Variants in UBE2R2 observed in about 807,000 individuals in gnomAD.
UBE2R2 encodes the protein ubiquitin-conjugating enzyme E2 R2.
A neutral mutation model predicts 27.8 loss-of-function variants in UBE2R2; 1 was observed. The ratio of observed to expected loss-of-function variants is 0.04; its 90% CI spans 0.01 to 0.17. The LOEUF (loss-of-function observed/expected upper bound fraction) is 0.17, where lower values mean the gene tolerates loss of function less well. Among genes scored for constraint, UBE2R2 ranks in the 10% least tolerant of loss-of-function variants. UBE2R2 has a pLI of 1.00. For missense variants in UBE2R2, 100 were observed against 291.0 expected (o/e 0.34, Z 4.78); for synonymous variants, 106 against 113.3 (o/e 0.94, Z 0.41).
intron 1 of UBE2R2, among the ~76,000 whole-genome samples, chr9:33,824,773 A>C (rs1325357443): frequency 1.3e-5 from 2 of 150,512 alleles, no homozygotes; most frequent in Admixed American, 1.3e-4. Context: ...AGTGTACTCC[A>C]GCCTGGGCAA....
Position 33,817,618 on chromosome 9 carries a change from C to A in UBE2R2, c.-140C>A. ...GCCCACGGGCCGTGTGGGGCCTGGT[C>A]TGGCCCGCCGGGTGTGTGAAGACCG... On this transcript the variant is annotated 5_prime_UTR_variant, in exon 1 of 5. The change creates a new upstream start codon in the 5' untranslated region. Coordinates refer to ENST00000263228, the MANE Select transcript of UBE2R2 (RefSeq NM_017811.4). 2 of 1,040,296 alleles carry A rather than the reference C, an allele frequency of 1.9e-6. No homozygotes were observed. Among genetic ancestry groups the A allele is most frequent in the South Asian group, 4.5e-5 (1 of 22,186 alleles). 64.4% of individuals were successfully genotyped at this position (1,040,296 alleles called of 1,614,324 possible). A position where few individuals can be genotyped will look rare whatever the true frequency, so the allele number is the denominator to read the frequency against.
intron 1 of UBE2R2, among the ~76,000 whole-genome samples, chr9:33,837,310 C>T (rs1167407335): frequency 6.6e-6 from 1 of 151,996 alleles, no homozygotes; most frequent in East Asian, 1.9e-4. Flanking sequence ...CCTCAGCCTC[C>T]TGGGCTCAAG....
Position 33,817,196 on chromosome 9 carries a change from T to TG in UBE2R2, c.-562_-561insG, listed in dbSNP as rs2130690009. Among the ~76,000 whole-genome samples, 1 of 132,496 alleles carries TG rather than the reference T, an allele frequency of 7.5e-6. No homozygotes were observed. The highest frequency in any genetic ancestry group is 2.6e-4 in the South Asian group (1 of 3,778). The allele number at this position is 132,496 out of a possible 152,430, so 86.9% of individuals were successfully genotyped here. On this transcript the variant is annotated 5_prime_UTR_variant, in exon 1 of 5. Coordinates refer to ENST00000263228, the MANE Select transcript of UBE2R2 (RefSeq NM_017811.4). ...CCGTTGCTCCCGCGGCGCGAGGCGC[T>TG]CTCGCTCTCCTCCTCCTCCGCCGTC...
intron 4 of UBE2R2, 34 bp from the exon 5 acceptor site, chr9:33,916,984 A>G: frequency 6.2e-7 from 1 of 1,610,612 alleles, no homozygotes. Flanking sequence ...AAAAAGACTT[A>G]CCGTAAACCA....
chr9:33,859,791 T>TGA (rs1389754685), intron 1 of UBE2R2, among the ~76,000 whole-genome samples: 6 of 109,898 alleles, frequency 5.5e-5, no homozygotes, highest in African/African-American at 2.0e-4. Flanking sequence ...TGTGTGTGTG[T>TGA]GTGTGTGTGA....
chr9:33,828,119 A>G (rs1478390914), intron 1 of UBE2R2, among the ~76,000 whole-genome samples: 2 of 151,942 alleles, frequency 1.3e-5, no homozygotes, highest in Non-Finnish European at 2.9e-5. Flanking sequence ...CCTGACCAAC[A>G]TGGTGAAACC....
At chr9:33,877,176 T>C (rs557705304) in intron 1 of UBE2R2, among the ~76,000 whole-genome samples, 8 of 113,480 alleles carry the variant, frequency 7.0e-5, no homozygotes, top group Non-Finnish European at 1.0e-4. Flanking sequence ...CTACTTATGA[T>C]TGAATTTTTT....
At chr9:33,879,538 C>G (rs185527961) in intron 1 of UBE2R2, among the ~76,000 whole-genome samples, 4 of 151,982 alleles carry the variant, frequency 2.6e-5, no homozygotes, top group African/African-American at 9.7e-5. Flanking sequence ...ACTGCAGACT[C>G]GACCTCCTGG....
chr9:33,870,971 T>C (rs1821474283), intron 1 of UBE2R2, among the ~76,000 whole-genome samples: 1 of 152,246 alleles, frequency 6.6e-6, no homozygotes, highest in African/African-American at 2.4e-5. Context: ...TTTGTGTTTA[T>C]TCCAACTGCC....
intron 1 of UBE2R2, among the ~76,000 whole-genome samples, chr9:33,835,961 G>T (rs550451282): frequency 2.6e-5 from 4 of 152,166 alleles, no homozygotes; most frequent in African/African-American, 9.7e-5. Context: ...TTTAAGCTAA[G>T]AAGCTAAGTG....
intron 1 of UBE2R2, among the ~76,000 whole-genome samples, chr9:33,819,661 C>T (rs529712143): frequency 2.0e-4 from 29 of 147,050 alleles, no homozygotes; most frequent in African/African-American, 7.1e-4. Flanking sequence ...TTTTTTGAGA[C>T]GGAGTCTCGC....
At chr9:33,816,319 T>C (rs548192043), upstream of UBE2R2, among the ~76,000 whole-genome samples, 1 of 152,264 alleles carries the variant, frequency 6.6e-6, no homozygotes, top group African/African-American at 2.4e-5. Flanking sequence ...GTTATGATTA[T>C]CTCGAAAGTC....
chr9:33,832,336 A>G (rs1007485957), intron 1 of UBE2R2, among the ~76,000 whole-genome samples: 4 of 146,706 alleles, frequency 2.7e-5, no homozygotes, highest in African/African-American at 7.6e-5. Context: ...AAAAGAAATT[A>G]TTTAATACCC....
At chr9:33,849,622 C>T (rs901003044) in intron 1 of UBE2R2, among the ~76,000 whole-genome samples, 9 of 150,928 alleles carry the variant, frequency 6.0e-5, no homozygotes, top group Non-Finnish European at 8.8e-5. Context: ...GAGGCTGAGG[C>T]AGGCAGGGTG....
At chr9:33,831,981 G>A (rs971782342) in intron 1 of UBE2R2, among the ~76,000 whole-genome samples, 6 of 151,324 alleles carry the variant, frequency 4.0e-5, no homozygotes, top group South Asian at 2.1e-4. Context: ...GTATTCTTAA[G>A]CTTGATTCAT....
intron 2 of UBE2R2, among the ~76,000 whole-genome samples, chr9:33,887,361 A>AG (rs1311554078): frequency 6.6e-6 from 1 of 152,168 alleles, no homozygotes. Context: ...AGCTTTTGGT[A>AG]GGGGGAGCGG....
At chr9:33,845,590 T>A (rs1820827257) in intron 1 of UBE2R2, among the ~76,000 whole-genome samples, 1 of 152,178 alleles carries the variant, frequency 6.6e-6, no homozygotes, top group South Asian at 2.1e-4. Context: ...CAAACATGAT[T>A]TAATGAACTA....
At chr9:33,916,200 G>A (rs957455766) in intron 4 of UBE2R2, among the ~76,000 whole-genome samples, 3 of 152,166 alleles carry the variant, frequency 2.0e-5, no homozygotes, top group African/African-American at 7.2e-5. Context: ...ATTTAGCCCG[G>A]TGGGGTGGCG....
chr9:33,915,450 C>T (rs890838873), intron 4 of UBE2R2, among the ~76,000 whole-genome samples: 4 of 152,038 alleles, frequency 2.6e-5, no homozygotes, highest in African/African-American at 9.7e-5. Context: ...ATTATGGGAA[C>T]AGAGATGATG....
Sources: allele counts gnomAD v4.1 joint callset (sites outside exome capture counted in the v4.1 genomes callset), GRCh38; gene constraint gnomAD v4.1.1; transcripts MANE v1.5; gene names NCBI Gene and HGNC (gene_info 2026-07-23, HGNC 2026-07-21).